Variants in CCDC178 observed in about 807,000 individuals in gnomAD.
The protein encoded by CCDC178 is coiled-coil domain-containing protein 178.
A neutral mutation model predicts 117.4 loss-of-function variants in CCDC178; 126 were observed. That is an observed-to-expected ratio of 1.07 (90% CI 0.93 to 1.24). The LOEUF (loss-of-function observed/expected upper bound fraction) is 1.24. Ranked by LOEUF, CCDC178 falls within the 50% of genes most tolerant of loss-of-function variation. The pLI is 0.00. For missense variants in CCDC178, 1,030 were observed against 986.9 expected (o/e 1.04, Z -0.59); for synonymous variants, 283 against 313.4 (o/e 0.90, Z 1.02).
At chr18:33,246,060 C>T (rs2059545546) in intron 14 of CCDC178, among the ~76,000 whole-genome samples, 1 of 151,834 alleles carries the variant, frequency 6.6e-6, no homozygotes, top group Non-Finnish European at 1.5e-5. Context: ...ACACTAACTC[C>T]ACATTATAAT....
intron 21 of CCDC178, among the ~76,000 whole-genome samples, chr18:32,995,085 G>A (rs2055474894): frequency 1.3e-5 from 2 of 152,176 alleles, no homozygotes; most frequent in African/African-American, 4.8e-5. Context: ...ATCAGCCATT[G>A]TGTAATGGAA....
intron 9 of CCDC178, among the ~76,000 whole-genome samples, chr18:33,345,201 C>A (rs1308101041): frequency 6.6e-6 from 1 of 152,028 alleles, no homozygotes; most frequent in African/African-American, 2.4e-5. Context: ...AAAGCTCTTA[C>A]AAAACATGTG....
At chr18:33,086,953 A>G (rs965454349) in intron 21 of CCDC178, among the ~76,000 whole-genome samples, 2 of 145,396 alleles carry the variant, frequency 1.4e-5, no homozygotes, top group Non-Finnish European at 3.0e-5. Flanking sequence ...CTTTGGGAAC[A>G]AAATAGCTAT....
intron 21 of CCDC178, among the ~76,000 whole-genome samples, chr18:32,996,558 TATA>T (rs1400173487): frequency 3.3e-5 from 5 of 151,930 alleles, no homozygotes. Flanking sequence ...ATGCTCCATA[TATA>T]ATATTAAATG....
Position 33,161,871 on chromosome 18 carries a change from A to G in CCDC178, c.2238+50025T>C, listed in dbSNP as rs571416731. Among the ~76,000 whole-genome samples the G allele has an allele frequency of 7.4e-3, 1,125 of 152,290 alleles. 4 individuals carry two copies. Among genetic ancestry groups the G allele is most frequent in the Non-Finnish European group, 0.013 (870 of 68,018 alleles). ...CTTTGCTATTGTGAATAGTGCCACA[A>G]TAAACATATGTGTGCATGTGTCTTT... On this transcript the variant is annotated intron_variant, in intron 20 of 22. Transcript: ENST00000383096.
chr18:33,207,293 C>T (rs1460362005), intron 20 of CCDC178, among the ~76,000 whole-genome samples: 1 of 151,684 alleles, frequency 6.6e-6, no homozygotes, highest in Non-Finnish European at 1.5e-5. Context: ...GAATTATAGA[C>T]CAATAGATAT....
At chr18:32,973,295 A>T (rs189443665) in intron 22 of CCDC178, among the ~76,000 whole-genome samples, 77 of 152,272 alleles carry the variant, frequency 5.1e-4, no homozygotes, top group African/African-American at 1.8e-3. Flanking sequence ...AGATTTTTCT[A>T]AGATACTAAT....
At chr18:33,329,119 T>G (rs1599169442) in intron 10 of CCDC178, among the ~76,000 whole-genome samples, 1 of 152,176 alleles carries the variant, frequency 6.6e-6, no homozygotes, top group Non-Finnish European at 1.5e-5. Flanking sequence ...AAAATATAAC[T>G]GAGCTTTGTG....
At chr18:33,088,509 G>C (rs1268750072) in intron 21 of CCDC178, among the ~76,000 whole-genome samples, 4 of 151,820 alleles carry the variant, frequency 2.6e-5, no homozygotes, top group Non-Finnish European at 4.4e-5. Flanking sequence ...TACATATTTT[G>C]TTAAATTCAC....
intron 21 of CCDC178, among the ~76,000 whole-genome samples, chr18:33,030,526 T>TAGAC (rs1354480157): frequency 3.3e-4 from 46 of 141,520 alleles, no homozygotes; most frequent in African/African-American, 9.5e-4. Context: ...TGATAGAAGA[T>TAGAC]AGATAGATAG....
intron 11 of CCDC178, among the ~76,000 whole-genome samples, chr18:33,303,100 A>G (rs1423864216): frequency 6.6e-6 from 1 of 152,248 alleles, no homozygotes; most frequent in Admixed American, 6.5e-5. Context: ...TATGTGTATT[A>G]AAACATCATT....
intron 22 of CCDC178, among the ~76,000 whole-genome samples, chr18:32,956,387 T>C (rs989451510): frequency 6.6e-6 from 1 of 152,232 alleles, no homozygotes; most frequent in Non-Finnish European, 1.5e-5. Flanking sequence ...CATCATATCG[T>C]ATTATACAAC....
intron 21 of CCDC178, among the ~76,000 whole-genome samples, chr18:33,020,589 G>T (rs984892428): frequency 6.6e-6 from 1 of 152,094 alleles, no homozygotes; most frequent in South Asian, 2.1e-4. Context: ...TGTGGTGTGT[G>T]TTTACTTTTT....
Position 33,366,247 on chromosome 18 carries a change from T to C in CCDC178, c.348+3803A>G, listed in dbSNP as rs145418229. On this transcript the variant is annotated intron_variant, in intron 6 of 22. Transcript: ENST00000383096. ...TGGGAGGCTGAGGAGGGAGGATTGT[T>C]TGAGGCCAGCAGTTCAAGACGAGCA... Among the ~76,000 whole-genome samples the C allele has an allele frequency of 9.9e-3, 1,508 of 152,100 alleles. 15 individuals carry two copies. Among genetic ancestry groups the C allele is most frequent in the Middle Eastern group, 0.031 (9 of 294 alleles).
At chr18:33,069,814 A>G (rs1351360689) in intron 21 of CCDC178, among the ~76,000 whole-genome samples, 1 of 152,152 alleles carries the variant, frequency 6.6e-6, no homozygotes, top group African/African-American at 2.4e-5. Flanking sequence ...CAAGGTATTC[A>G]AACAAGTCAA....
intron 9 of CCDC178, among the ~76,000 whole-genome samples, chr18:33,333,727 G>A (rs2062704622): frequency 6.6e-6 from 1 of 151,788 alleles, no homozygotes; most frequent in African/African-American, 2.4e-5. Context: ...GGTCGGGCTG[G>A]TCTCAAACTC....
At chr18:33,155,397 A>T (rs2058382850) in intron 20 of CCDC178, among the ~76,000 whole-genome samples, 1 of 152,146 alleles carries the variant, frequency 6.6e-6, no homozygotes, top group Admixed American at 6.5e-5. Flanking sequence ...ATTTGCTTTT[A>T]TTAGGAGAAA....
intron 14 of CCDC178, among the ~76,000 whole-genome samples, chr18:33,253,332 T>C (rs1274242832): frequency 6.6e-6 from 1 of 151,780 alleles, no homozygotes; most frequent in Non-Finnish European, 1.5e-5. Context: ...CGTAATTTAT[T>C]TAAACAGTGT....
intron 20 of CCDC178, among the ~76,000 whole-genome samples, chr18:33,204,482 A>C (rs2059026544): frequency 1.3e-5 from 2 of 152,132 alleles, no homozygotes; most frequent in Admixed American, 1.3e-4. Flanking sequence ...TTTGTACCAA[A>C]AACTGTTTTA....
Sources: allele counts gnomAD v4.1 joint callset (sites outside exome capture counted in the v4.1 genomes callset), GRCh38; gene constraint gnomAD v4.1.1; transcripts MANE v1.5; gene names NCBI Gene and HGNC (gene_info 2026-07-23, HGNC 2026-07-21).